Variants in RETSAT observed in about 807,000 individuals in gnomAD.
The protein encoded by RETSAT is all-trans-retinol 13,14-reductase.
In RETSAT, 35 loss-of-function variants were observed where a neutral mutation model predicts 61.6. The ratio of observed to expected loss-of-function variants is 0.57; its 90% confidence interval spans 0.43 to 0.75. The LOEUF (loss-of-function observed/expected upper bound fraction) is 0.75. Ranked by LOEUF, RETSAT falls within the 30% of genes least tolerant of loss-of-function variation. RETSAT has a pLI of 0.00. For missense variants in RETSAT, 670 were observed against 759.5 expected (o/e 0.88, Z 1.38); for synonymous variants, 277 against 310.4 (o/e 0.89, Z 1.13).
chr2:85,348,294 C>T (rs1683234779), intron 5 of RETSAT, among the ~76,000 whole-genome samples: 1 of 152,046 alleles, frequency 6.6e-6, no homozygotes, highest in Non-Finnish European at 1.5e-5. Context: ...CTAATATGTG[C>T]TAAGATTTAT....
intron 10 of RETSAT, 52 bp from the exon 11 acceptor site, chr2:85,343,433 G>A (rs758457047): frequency 6.3e-7 from 1 of 1,589,870 alleles, no homozygotes; most frequent in Non-Finnish European, 8.6e-7. Context: ...AGGCCCAGGG[G>A]AGGGTGGGGC....
chr2:85,354,069 G>C (rs1277613881), intron 1 of RETSAT, among the ~76,000 whole-genome samples: 3 of 152,264 alleles, frequency 2.0e-5, no homozygotes, highest in African/African-American at 7.2e-5. Flanking sequence ...GGGATTACAA[G>C]TGGCAGGGCG....
intron 1 of RETSAT, among the ~76,000 whole-genome samples, chr2:85,352,180 G>A (rs1166328037): frequency 1.3e-5 from 2 of 151,766 alleles, no homozygotes; most frequent in Admixed American, 1.3e-4. Context: ...TCTGGTTCCC[G>A]AGTAGCTGGG....
rs1254228309 is a variant in RETSAT, at chr2:85,344,649, G to A, written c.1201C>T (p.Leu401=). The part of the protein sequence containing the change: ...FICLRGTKED[L]HLPSTNYYVY... The stretch of plus-strand genomic sequence containing the variant: ...TAGTAGTTGGTGGACGGCAGATGCA[G>A]GTCTTCCTTGGTGCCTCGCAGGCAG... The change falls in exon 7 of 11, where the codon CTG becomes TTG. Residue 401 remains leucine (L), a synonymous_variant. Coordinates refer to ENST00000295802, the MANE Select transcript of RETSAT (RefSeq NM_017750.4). The A allele has an allele frequency of 1.2e-6, 2 of 1,614,214 alleles. No homozygotes were observed. Among genetic ancestry groups the A allele is most frequent in the South Asian group, 1.1e-5 (1 of 91,088 alleles).
chr2:85,346,192 C>CA, intron 5 of RETSAT, 98 bp from the exon 6 acceptor site: 1 of 1,501,618 alleles, frequency 6.7e-7, no homozygotes, highest in South Asian at 1.3e-5. Context: ...GCCCATTTCT[C>CA]AGACCTTGGA....
At position 85,344,267 on chromosome 2, in the gene RETSAT, T is replaced by C. The variant is rs557979236; in HGVS notation, c.1338A>G (p.Lys446=). The change falls in exon 8 of 11, where the codon AAA becomes AAG. Residue 446 remains lysine (K), a synonymous_variant. Transcript: ENST00000295802. ...GGAATCGGTCCTCCCAGGTCGGATC[T>C]TTGGCTGATGGGAAAGCGAAGAAGA... ...PLLFFAFPSA[K]DPTWEDRFPG... is the part of the protein sequence containing the mutation. 6.7e-5 allele frequency: 108 copies of C among 1,614,070 alleles called. No homozygotes were observed. The African/African-American group carries it at 1.1e-3, about 16-fold the overall frequency.
chr2:85,351,902 G>A, intron 1 of RETSAT, 40 bp from the exon 2 acceptor site: 3 of 1,591,592 alleles, frequency 1.9e-6, no homozygotes, highest in Non-Finnish European at 1.7e-6. Flanking sequence ...CTCAGGCAGG[G>A]GCAGGGAAAT....
chr2:85,352,348 A>G (rs182958272), intron 1 of RETSAT, among the ~76,000 whole-genome samples: 80 of 151,928 alleles, frequency 5.3e-4, no homozygotes, highest in African/African-American at 1.8e-3. Flanking sequence ...GGTTCACATC[A>G]TTCTCCTGCT....
chr2:85,342,234 A>C lies in RETSAT; in HGVS notation c.*1008T>G, dbSNP rs1314901156. 2 of 190,770 alleles carry C rather than the reference A, an allele frequency of 1.0e-5. No individual in the cohort carries two copies. Among genetic ancestry groups the C allele is most frequent in the African/African-American group, 4.8e-5 (2 of 41,806 alleles). 11.8% of individuals were successfully genotyped at this position (190,770 alleles called of 1,614,324 possible). A position where few individuals can be genotyped will look rare whatever the true frequency, so the allele number is the denominator to read the frequency against. ...TGAGCTTGCATTCACCTACCTGTCT[A>C]ACCCTCACATGTGCTAATTAACTGC... is the stretch of plus-strand genomic sequence containing the variant. On this transcript the variant is annotated 3_prime_UTR_variant, in exon 11 of 11. Transcript: ENST00000295802.
chr2:85,344,828 G>A (rs1161417852), intron 6 of RETSAT, 96 bp from the exon 7 acceptor site: 6 of 1,399,818 alleles, frequency 4.3e-6, no homozygotes, highest in Non-Finnish European at 5.8e-6. Context: ...TCTGGCACCT[G>A]CCTGAGGCAT....
Position 85,343,880 on chromosome 2 carries a change from G to T in RETSAT, c.1534-82C>A. ...ACTCTTTCCCATTCACTGACTGCAG[G>T]GATGGGTGCCCTGTCCTTCCCTGGG... On this transcript the variant is annotated intron_variant, in intron 9 of 10. Transcript: ENST00000295802. The T allele has an allele frequency of 8.8e-6, 14 of 1,592,166 alleles. No individual in the cohort carries two copies. In the South Asian group the frequency reaches 1.3e-4, roughly 15 times the overall value.
chr2:85,349,936 G>T, intron 4 of RETSAT, 104 bp downstream of exon 4: 2 of 1,137,288 alleles, frequency 1.8e-6, no homozygotes, highest in Non-Finnish European at 2.6e-6. Flanking sequence ...GGTTTACACT[G>T]CTCCATATCA....
Position 85,354,503 on chromosome 2 carries a change from C to A in RETSAT, c.5G>T (p.Trp2Leu). 6.2e-7 allele frequency: 1 copy of A among 1,607,958 alleles called. No individual in the cohort carries two copies. Among genetic ancestry groups the A allele is most frequent in the Non-Finnish European group, 8.5e-7 (1 of 1,176,704 alleles). The change falls in exon 1 of 11, where the codon TGG (tryptophan) becomes TTG (leucine). Residue 2 changes from tryptophan to leucine, a missense_variant. By Grantham distance (61) the Trp-to-Leu change is moderately conservative (BLOSUM62 -2). Coordinates refer to ENST00000295802, the MANE Select transcript of RETSAT (RefSeq NM_017750.4). ...AGCCAGGAGCAGCACCAGCGGAAGC[C>A]ACATCACGCCGGCGTCGGGTCGGGT... Reference protein sequence around the residue: MWLPLVLLLAVL... With the variant: MLLPLVLLLAVL...
At chr2:85,353,129 C>A (rs1683339731) in intron 1 of RETSAT, among the ~76,000 whole-genome samples, 1 of 152,164 alleles carries the variant, frequency 6.6e-6, no homozygotes, top group Non-Finnish European at 1.5e-5. Context: ...ATGTATAATG[C>A]ACTCTGATAT....
Position 85,350,973 on chromosome 2 carries a change from A to T in RETSAT, c.404T>A (p.Ile135Asn), listed in dbSNP as rs773940534. ...CTGCCCTTCAGTGATCTGGTCCAAG[A>T]TAAAACGGCCAATGCTGCCCTCTTC... Reference protein sequence around the residue: ...RMEEGSIGRFILDQITEGQLD... With the variant: ...RMEEGSIGRFNLDQITEGQLD... The change falls in exon 3 of 11, where the codon ATC becomes AAC. Residue 135 changes from isoleucine to asparagine, a missense_variant. Physicochemically the swap from Ile to Asn is moderately radical, Grantham distance 149. Coordinates refer to ENST00000295802, the MANE Select transcript of RETSAT (RefSeq NM_017750.4). The T allele has an allele frequency of 2.7e-5, 43 of 1,614,042 alleles. No homozygotes were observed. Among genetic ancestry groups the T allele is most frequent in the Non-Finnish European group, 3.6e-5 (42 of 1,180,044 alleles).
chr2:85,354,287 G>A (rs1202428259), intron 1 of RETSAT, 49 bp downstream of exon 1: 1 of 1,605,156 alleles, frequency 6.2e-7, no homozygotes, highest in Non-Finnish European at 8.5e-7. Context: ...ACCCAAATCT[G>A]TGAGAAAGCC....
Position 85,350,876 on chromosome 2 carries a change from G to T in RETSAT, c.501C>A (p.Tyr167Ter). 6.2e-7 allele frequency: 1 copy of T among 1,614,142 alleles called. No homozygotes were observed. The highest frequency in any genetic ancestry group is 1.1e-5 in the South Asian group (1 of 91,080). The change falls in exon 3 of 11, where the codon TAC becomes TAA. Residue 167 changes from tyrosine (Y) to a stop codon, truncating the protein, a stop_gained. Transcript: ENST00000295802. LOFTEE classifies it high-confidence loss of function. ...VLEGPNGRKE[Y>*]PMYSGEKAYI... is the part of the protein sequence containing the mutation. The stretch of plus-strand genomic sequence containing the variant: ...AGGCTTTCTCTCCACTGTACATGGG[G>T]TACTCCTTTCGGCCATTGGGCCCTT...
At chr2:85,343,430 G>A (rs1683122293) in intron 10 of RETSAT, 49 bp from the exon 11 acceptor site, 1 of 1,589,734 alleles carries the variant, frequency 6.3e-7, no homozygotes. Flanking sequence ...GGCAGGCCCA[G>A]GGGAGGGTGG....
At position 85,350,876 on chromosome 2, in the gene RETSAT, G is replaced by A; in HGVS notation, c.501C>T (p.Tyr167=). Residue 167 remains tyrosine (Y), a synonymous_variant, in exon 3 of 11, where the codon TAC becomes TAT. Transcript: ENST00000295802. The part of the protein sequence containing the change: ...VLEGPNGRKE[Y]PMYSGEKAYI... ...AGGCTTTCTCTCCACTGTACATGGGGTACTCCTTTCGGCCATTGGGCCCTT... is the reference window on the plus strand; with the variant it reads ...AGGCTTTCTCTCCACTGTACATGGGATACTCCTTTCGGCCATTGGGCCCTT... 1.2e-6 allele frequency: 2 copies of A among 1,614,142 alleles called. No homozygotes were observed. Among genetic ancestry groups the A allele is most frequent in the Non-Finnish European group, 1.7e-6 (2 of 1,180,026 alleles).
Sources: allele counts gnomAD v4.1 joint callset (sites outside exome capture counted in the v4.1 genomes callset), GRCh38; gene constraint gnomAD v4.1.1; transcripts MANE v1.5; gene names NCBI Gene and HGNC (gene_info 2026-07-23, HGNC 2026-07-21).